The following AURKC variants were observed in gnomAD, a reference collection of about 807,000 sequenced individuals.
AURKC encodes the protein aurora kinase C, also known as ARK-3.
Under a neutral mutation model 29.2 loss-of-function variants are expected in AURKC, and 15 were observed. The observed-to-expected ratio is 0.51, with a 90% CI of 0.34 to 0.79. AURKC has a LOEUF of 0.79. AURKC is among the 30% of genes least tolerant of loss of function. The pLI, the probability that AURKC is intolerant of heterozygous loss-of-function variation, is 0.01. For synonymous variants in AURKC, 150 were observed against 149.9 expected (o/e 1.00, Z -0.01); for missense variants, 332 against 383.2 (o/e 0.87, Z 1.12).
Position 57,233,513 on chromosome 19 carries a change from T to G in AURKC, c.489T>G (p.Ile163Met). Residue 163 changes from isoleucine (I) to methionine (M), a missense_variant, in exon 5 of 7, where the codon ATT (isoleucine) becomes ATG (methionine). Transcript: ENST00000302804. ...ALTYCHDKKV[I>M]HRDIKPENLL... Reference sequence around the variant, plus strand: ...CCTACTGCCATGACAAGAAAGTGATTCACAGAGATATTAAGCCAGAGAACC... The same window carrying G: ...CCTACTGCCATGACAAGAAAGTGATGCACAGAGATATTAAGCCAGAGAACC... The G allele has an allele frequency of 6.2e-7, 1 of 1,614,188 alleles. No individual in the cohort carries two copies. The highest frequency in any genetic ancestry group is 2.2e-5 in the East Asian group (1 of 44,874).
Position 57,231,254 on chromosome 19 carries a change from C to T in AURKC, c.6C>T (p.Ser2=), listed in dbSNP as rs1231811876. 1.6e-5 allele frequency: 25 copies of T among 1,552,010 alleles called. No homozygotes were observed. Among genetic ancestry groups the T allele is most frequent in the Non-Finnish European group, 2.0e-5 (23 of 1,147,184 alleles). Residue 2 remains serine, a synonymous_variant, in exon 1 of 7, where the codon AGC becomes AGT. Coordinates refer to ENST00000302804, the MANE Select transcript of AURKC (RefSeq NM_001015878.2). M[S]SPRAVVQLGK... The stretch of plus-strand genomic sequence containing the variant: ...CGCCCTCACCTCTTCTCCCCATGAG[C>T]TCCCCCAGAGCTGTGGTGCAGCTGG...
chr19:57,232,102 C>T lies in AURKC; in HGVS notation c.174C>T (p.Tyr58=). ...PLGKGKFGNV[Y]LARLKESHFI... ...GCAAGGGGAAATTTGGGAATGTGTA[C>T]CTGGCTCGGCTCAAGGAAAGCCATT... Residue 58 remains tyrosine, a synonymous_variant, in exon 3 of 7, where the codon TAC becomes TAT. Coordinates refer to ENST00000302804, the MANE Select transcript of AURKC (RefSeq NM_001015878.2). This position sits in a 1 kb window ranked among gnomAD's most constrained non-coding sequence, Gnocchi z 4.5. 1 of 1,614,078 alleles carries T rather than the reference C, an allele frequency of 6.2e-7. No homozygotes were observed. The highest frequency in any genetic ancestry group is 8.5e-7 in the Non-Finnish European group (1 of 1,180,016).
chr19:57,231,947 AG>A (rs1369130081), intron 2 of AURKC, 85 bp from the exon 3 acceptor site: 1 of 1,603,376 alleles, frequency 6.2e-7, no homozygotes, highest in Non-Finnish European at 8.5e-7. Flanking sequence ...ATACAATGAA[AG>A]AGGAAGGGGA....
chr19:57,231,102 C>A lies in AURKC; in HGVS notation c.-147C>A, dbSNP rs561338553. The A allele has an allele frequency of 6.6e-7, 1 of 1,520,506 alleles. No homozygotes were observed. The highest frequency in any genetic ancestry group is 8.9e-7 in the Non-Finnish European group (1 of 1,118,258). 94.2% of individuals were successfully genotyped at this position (1,520,506 alleles called of 1,614,324 possible). A position where few individuals can be genotyped will look rare whatever the true frequency, so the allele number is the denominator to read the frequency against. On this transcript the variant is annotated 5_prime_UTR_variant, in exon 1 of 7. Coordinates refer to ENST00000302804, the MANE Select transcript of AURKC (RefSeq NM_001015878.2). ...GCCGCGGATCCCGAAGCCTGTGTAG[C>A]AGTGAGACATCAGTGAGGCTGCAGG... is the stretch of plus-strand genomic sequence containing the variant.
chr19:57,232,398 C>T lies in AURKC; in HGVS notation c.297-144C>T, dbSNP rs2074859. ...CACTCGAATCCTGGTTCCTGTTCTC[C>T]GTTCTCCCCTCACTTGCTCCCAGAT... On this transcript the variant is annotated intron_variant, in intron 3 of 6. Transcript: ENST00000302804. The surrounding 1 kb of genome is among the most constrained non-coding windows in gnomAD (Gnocchi z 4.5). 0.32 allele frequency: 455,907 copies of T among 1,444,592 alleles called. 76,494 individuals are homozygous for T. The highest frequency in any genetic ancestry group is 0.69 in the East Asian group (30,123 of 43,892). 89.5% of individuals were successfully genotyped at this position (1,444,592 alleles called of 1,614,324 possible).
At position 57,235,434 on chromosome 19, in the gene AURKC, T is replaced by C; in HGVS notation, c.*17T>C. On this transcript the variant is annotated 3_prime_UTR_variant, in exon 7 of 7. Coordinates refer to ENST00000302804, the MANE Select transcript of AURKC (RefSeq NM_001015878.2). ...GCTTCCTGAGCCCTGTCTGCCTCTG[T>C]TCCCTTTGTGTGTGTTCAGGGAGCT... 6.2e-7 allele frequency: 1 copy of C among 1,613,182 alleles called. No homozygotes were observed. The highest frequency in any genetic ancestry group is 8.5e-7 in the Non-Finnish European group (1 of 1,179,998).
intron 5 of AURKC, 22 bp from the exon 6 acceptor site, chr19:57,234,862 T>A: frequency 1.2e-6 from 2 of 1,614,068 alleles, no homozygotes; most frequent in Middle Eastern, 1.7e-4. Context: ...TAGTACTTAT[T>A]CCCTTTTCTG....
At chr19:57,233,357 A>G in intron 4 of AURKC, 103 bp from the exon 5 acceptor site, 1 of 1,559,208 alleles carries the variant, frequency 6.4e-7, no homozygotes, top group Non-Finnish European at 8.8e-7. Flanking sequence ...TTACTGGACC[A>G]AAAAGATTCC....
chr19:57,235,421 C>G lies in AURKC; in HGVS notation c.*4C>G. Reference sequence around the variant, plus strand: ...CTGTGCTCAGATGGCTTCCTGAGCCCTGTCTGCCTCTGTTCCCTTTGTGTG... The same window carrying G: ...CTGTGCTCAGATGGCTTCCTGAGCCGTGTCTGCCTCTGTTCCCTTTGTGTG... On this transcript the variant is annotated 3_prime_UTR_variant, in exon 7 of 7. Coordinates refer to ENST00000302804, the MANE Select transcript of AURKC (RefSeq NM_001015878.2). 2 of 1,613,362 alleles carry G rather than the reference C, an allele frequency of 1.2e-6. No homozygotes were observed. Among genetic ancestry groups the G allele is most frequent in the Admixed American group, 3.3e-5 (2 of 60,032 alleles).
chr19:57,231,245 C>G lies in AURKC; in HGVS notation c.-4C>G, dbSNP rs1023200714. 1.9e-6 allele frequency: 3 copies of G among 1,551,950 alleles called. No homozygotes were observed. ...AGGCGTCCGCGCCCTCACCTCTTCT[C>G]CCCATGAGCTCCCCCAGAGCTGTGG... On this transcript the variant is annotated 5_prime_UTR_variant, in exon 1 of 7. Transcript: ENST00000302804.
chr19:57,232,164 TAGAG>T lies in AURKC; in HGVS notation c.238_241del (p.Glu80ArgfsTer38). ...CTGAAGGTTCTCTTCAAGTCGCAGATAGAGAAGGAAGGACTGGAGCACCAGCTGC... is the reference window on the plus strand; with the variant it reads ...CTGAAGGTTCTCTTCAAGTCGCAGATAAGGAAGGACTGGAGCACCAGCTGC... On this transcript the variant is annotated frameshift_variant, in exon 3 of 7. Coordinates refer to ENST00000302804, the MANE Select transcript of AURKC (RefSeq NM_001015878.2). LOFTEE classifies it high-confidence loss of function. This position sits in a 1 kb window ranked among gnomAD's most constrained non-coding sequence, Gnocchi z 4.5. The T allele has an allele frequency of 6.2e-7, 1 of 1,614,056 alleles. No homozygotes were observed. Among genetic ancestry groups the T allele is most frequent in the Non-Finnish European group, 8.5e-7 (1 of 1,180,006 alleles).
chr19:57,235,186 G>T, intron 6 of AURKC, 61 bp from the exon 7 acceptor site: 2 of 1,611,696 alleles, frequency 1.2e-6, no homozygotes, highest in Non-Finnish European at 1.7e-6. Context: ...TCAAAGAAGA[G>T]GGAGGACATT....
At chr19:57,234,860 A>G in intron 5 of AURKC, 24 bp from the exon 6 acceptor site, 5 of 1,614,074 alleles carry the variant, frequency 3.1e-6, no homozygotes, top group Non-Finnish European at 4.2e-6. Context: ...CTTAGTACTT[A>G]TTCCCTTTTC....
chr19:57,232,624 G>A lies in AURKC; in HGVS notation c.379G>A (p.Glu127Lys). Reference protein sequence around the residue: ...YLILEYAPRGELYKELQKSEK... With the variant: ...YLILEYAPRGKLYKELQKSEK... The stretch of plus-strand genomic sequence containing the variant: ...GATTCTGGAATATGCTCCAAGGGGT[G>A]AGCTCTACAAGGAGCTGCAGAAAAG... The change falls in exon 4 of 7, where the codon GAG becomes AAG. Residue 127 changes from glutamate to lysine, a missense_variant. By Grantham distance (56) the Glu-to-Lys change is moderately conservative. Transcript: ENST00000302804. This position sits in a 1 kb window ranked among gnomAD's most constrained non-coding sequence, Gnocchi z 4.5. 6.2e-7 allele frequency: 1 copy of A among 1,614,098 alleles called. No homozygotes were observed. The highest frequency in any genetic ancestry group is 8.5e-7 in the Non-Finnish European group (1 of 1,180,026).
At position 57,232,634 on chromosome 19, in the gene AURKC, A is replaced by G. The variant is rs564437807; in HGVS notation, c.389A>G (p.Lys130Arg). Residue 130 changes from lysine (K) to arginine (R), a missense_variant, in exon 4 of 7, where the codon AAG (lysine) becomes AGG (arginine). By Grantham distance (26) the Lys-to-Arg change is conservative. Coordinates refer to ENST00000302804, the MANE Select transcript of AURKC (RefSeq NM_001015878.2). This position sits in a 1 kb window ranked among gnomAD's most constrained non-coding sequence, Gnocchi z 4.5. ...LEYAPRGELYKELQKSEKLDE... is the reference protein window; with the variant it reads ...LEYAPRGELYRELQKSEKLDE... The stretch of plus-strand genomic sequence containing the variant: ...TATGCTCCAAGGGGTGAGCTCTACA[A>G]GGAGCTGCAGAAAAGCGAGAAATTA... 261 of 1,614,084 alleles carry G rather than the reference A, an allele frequency of 1.6e-4. 4 individuals carry two copies. In the South Asian group the frequency reaches 2.7e-3, roughly 17 times the overall value.
rs11084490 is a variant in AURKC at position 57,231,104 on chromosome 19, G to T, written c.-145G>T. Reference sequence around the variant, plus strand: ...CGCGGATCCCGAAGCCTGTGTAGCAGTGAGACATCAGTGAGGCTGCAGGAC... The same window carrying T: ...CGCGGATCCCGAAGCCTGTGTAGCATTGAGACATCAGTGAGGCTGCAGGAC... On this transcript the variant is annotated 5_prime_UTR_variant, in exon 1 of 7. Transcript: ENST00000302804. The T allele has an allele frequency of 2.5e-5, 38 of 1,520,026 alleles. 1 individual carries two copies. The South Asian group carries it at 3.8e-4, about 15-fold the overall frequency. The allele number at this position is 1,520,026 out of a possible 1,614,324, so 94.2% of individuals were successfully genotyped here.
chr19:57,234,103 G>GCT (rs2087522562), intron 5 of AURKC, among the ~76,000 whole-genome samples: 3 of 137,270 alleles, frequency 2.2e-5, no homozygotes, highest in Non-Finnish European at 4.6e-5. Flanking sequence ...TGTTGCCCAG[G>GCT]CTAGATTGCA....
Position 57,235,277 on chromosome 19 carries a change from C to G in AURKC, c.790C>G (p.Leu264Val), listed in dbSNP as rs1326341552. ...VDVRFPLSMP[L>V]GARDLISRLL... ...TGTGAGGTTTCCACTATCAATGCCT[C>G]TGGGGGCCCGGGACTTGATTTCCAG... Residue 264 changes from leucine (L) to valine (V), a missense_variant, in exon 7 of 7, where the codon CTG (leucine) becomes GTG (valine). Coordinates refer to ENST00000302804, the MANE Select transcript of AURKC (RefSeq NM_001015878.2). 1 of 1,614,218 alleles carries G rather than the reference C, an allele frequency of 6.2e-7. No homozygotes were observed. The highest frequency in any genetic ancestry group is 2.2e-5 in the East Asian group (1 of 44,882).
In AURKC at chr19:57,234,960, G is replaced by T. The variant is rs199933542; in HGVS notation, c.661G>T (p.Asp221Tyr). The T allele has an allele frequency of 6.2e-7, 1 of 1,614,196 alleles. No homozygotes were observed. Among genetic ancestry groups the T allele is most frequent in the Non-Finnish European group, 8.5e-7 (1 of 1,180,034 alleles). Residue 221 changes from aspartate to tyrosine, a missense_variant, in exon 6 of 7, where the codon GAT becomes TAT. Asp to Tyr is a radical substitution (Grantham distance 160). Transcript: ENST00000302804. ...GGGGAGAACATATGATGAAAAGGTG[G>T]ATTTGTGGTGCATTGGAGTGCTCTG... ...IEGRTYDEKVDLWCIGVLCYE... is the reference protein window; with the variant it reads ...IEGRTYDEKVYLWCIGVLCYE...
Sources: allele counts gnomAD v4.1 joint callset (sites outside exome capture counted in the v4.1 genomes callset), GRCh38; gene constraint gnomAD v4.1.1; non-coding constraint Gnocchi (gnomAD v3.1); transcripts MANE v1.5; gene names NCBI Gene and HGNC (gene_info 2026-07-23, HGNC 2026-07-21).